Variants in FAAH2 observed in about 807,000 individuals in gnomAD.
FAAH2 encodes the protein fatty acid amide hydrolase 2.
In FAAH2, 60 loss-of-function variants were observed where a neutral mutation model predicts 36.9. That is an observed-to-expected ratio of 1.63 (90% CI 1.32 to 2.02). FAAH2 has a LOEUF of 2.02. Among genes scored for constraint, FAAH2 ranks in the 30% most tolerant of loss-of-function variants. The pLI, the probability that FAAH2 is intolerant of heterozygous loss-of-function variation, is 0.00. For missense variants in FAAH2, 689 were observed against 397.5 expected (o/e 1.73, Z -6.23); for synonymous variants, 214 against 143.8 (o/e 1.49, Z -3.49).
chrX:57,262,151 G>T, the FAAH2 span, among the ~76,000 whole-genome samples: 1 of 110,779 alleles, frequency 9.0e-6, no homozygotes, highest in South Asian at 3.8e-4. Flanking sequence ...AACATAAAAA[G>T]ACTCCTAAAG....
At chrX:57,453,503 A>G (rs1454156903) in intron 10 of FAAH2, among the ~76,000 whole-genome samples, 1 of 109,557 alleles carries the variant, frequency 9.1e-6, no homozygotes, top group East Asian at 2.9e-4. Flanking sequence ...TGATTCCACA[A>G]CCCCCACCAC....
intron 5 of FAAH2, among the ~76,000 whole-genome samples, chrX:57,348,766 T>C (rs1281081993): frequency 9.0e-6 from 1 of 110,508 alleles, no homozygotes; most frequent in Non-Finnish European, 1.9e-5. Flanking sequence ...ACCAACATTA[T>C]AGAAACACCT....
At chrX:57,142,530 T>C in the FAAH2 span, among the ~76,000 whole-genome samples, 2 of 112,314 alleles carry the variant, frequency 1.8e-5, no homozygotes, top group Admixed American at 1.9e-4. Flanking sequence ...TAACATATGG[T>C]CTGTCTTGGA....
chrX:57,146,201 T>C, the FAAH2 span, among the ~76,000 whole-genome samples: 2 of 111,079 alleles, frequency 1.8e-5, no homozygotes, highest in Non-Finnish European at 3.8e-5. Context: ...TCCATGAGGA[T>C]GGGATGTATT....
intron 5 of FAAH2, among the ~76,000 whole-genome samples, chrX:57,351,514 G>T (rs750082938): frequency 3.7e-4 from 41 of 110,547 alleles, no homozygotes; most frequent in African/African-American, 1.3e-3. Flanking sequence ...TGAAGTTGAG[G>T]CTAAAAACAT....
the FAAH2 span, among the ~76,000 whole-genome samples, chrX:57,231,916 G>A: frequency 2.7e-5 from 3 of 111,444 alleles, no homozygotes; most frequent in African/African-American, 9.8e-5. Context: ...GCTTTTGGTG[G>A]GCTAGGAAGA....
At chrX:57,315,424 C>A (rs1481342916) in intron 3 of FAAH2, among the ~76,000 whole-genome samples, 2 of 111,176 alleles carry the variant, frequency 1.8e-5, no homozygotes, top group East Asian at 5.6e-4. Flanking sequence ...CTATCATCAC[C>A]CTAATACAAA....
At chrX:57,409,803 A>G (rs1438742057) in intron 7 of FAAH2, among the ~76,000 whole-genome samples, 1 of 110,113 alleles carries the variant, frequency 9.1e-6, no homozygotes, top group African/African-American at 3.3e-5. Context: ...TTTCTTAGGT[A>G]GTCCAGCTAA....
chrX:57,273,599 A>G, the FAAH2 span, among the ~76,000 whole-genome samples: 4 of 111,960 alleles, frequency 3.6e-5, no homozygotes, highest in Admixed American at 3.8e-4. Context: ...AACTCAGGAT[A>G]AAGAAACTCA....
intron 10 of FAAH2, among the ~76,000 whole-genome samples, chrX:57,482,457 C>T (rs775812262): frequency 1.3e-4 from 14 of 111,366 alleles, no homozygotes; most frequent in South Asian, 3.8e-4. Flanking sequence ...AGCTGGGTAG[C>T]GCAGTCCTTC....
At chrX:57,266,863 C>T in the FAAH2 span, among the ~76,000 whole-genome samples, 7 of 112,431 alleles carry the variant, frequency 6.2e-5, no homozygotes, top group African/African-American at 2.3e-4. Context: ...TGGAGCAGGG[C>T]CAGAGATGGT....
chrX:57,448,201 GCT>G (rs757356066), intron 9 of FAAH2, among the ~76,000 whole-genome samples: 1 of 111,891 alleles, frequency 8.9e-6, no homozygotes, highest in African/African-American at 3.2e-5. Flanking sequence ...GAACCCCTGG[GCT>G]CAAGTAATCT....
At chrX:57,188,430 G>T in the FAAH2 span, among the ~76,000 whole-genome samples, 1 of 110,332 alleles carries the variant, frequency 9.1e-6, no homozygotes, top group Non-Finnish European at 1.9e-5. Context: ...ATTTTTTATT[G>T]TGTCTATTTG....
In FAAH2 at chrX:57,389,286, A is replaced by G. The variant is rs1319777215; in HGVS notation, c.996+8257A>G. 1.7e-4 allele frequency among the ~76,000 whole-genome samples: 4 copies of G among 23,557 alleles called. No homozygotes were observed. In the Admixed American group the frequency reaches 3.1e-3, roughly 19 times the overall value. 20.5% of individuals were successfully genotyped at this position (23,557 alleles called of 115,157 possible). ...CGCACACACACACACACCTACACAC[A>G]CACACACATATATATATATACATAT... On this transcript the variant is annotated intron_variant, in intron 7 of 10. Transcript: ENST00000374900.
At chrX:57,439,090 G>A (rs1310860641) in intron 8 of FAAH2, among the ~76,000 whole-genome samples, 1 of 110,948 alleles carries the variant, frequency 9.0e-6, no homozygotes, top group Non-Finnish European at 1.9e-5. Context: ...ATAGTAGCAT[G>A]ATTTATAATC....
At chrX:57,475,061 A>G (rs774002739) in intron 10 of FAAH2, among the ~76,000 whole-genome samples, 1 of 111,527 alleles carries the variant, frequency 9.0e-6, no homozygotes, top group South Asian at 3.7e-4. Context: ...ATCTTTCTTG[A>G]AAATTTAAAT....
chrX:57,160,814 C>T, the FAAH2 span, among the ~76,000 whole-genome samples: 1 of 111,970 alleles, frequency 8.9e-6, no homozygotes, highest in Non-Finnish European at 1.9e-5. Context: ...AAACCAGCTC[C>T]TGGATTGATT....
the FAAH2 span, among the ~76,000 whole-genome samples, chrX:57,203,620 A>G: frequency 3.6e-5 from 4 of 111,954 alleles, no homozygotes; most frequent in African/African-American, 1.3e-4. Context: ...TATGCAGACC[A>G]CACAAAGACA....
chrX:57,271,954 C>T, the FAAH2 span, among the ~76,000 whole-genome samples: 1 of 109,677 alleles, frequency 9.1e-6, no homozygotes. Context: ...AACAAACTCC[C>T]CTGAGCTAAA....
Sources: allele counts gnomAD v4.1 joint callset (sites outside exome capture counted in the v4.1 genomes callset), GRCh38; gene constraint gnomAD v4.1.1; transcripts MANE v1.5; gene names NCBI Gene and HGNC (gene_info 2026-07-23, HGNC 2026-07-21).